PHKB: variants seen among roughly 807,000 people sequenced by gnomAD.
The protein encoded by PHKB is phosphorylase kinase regulatory subunit beta.
PHKB carries 122 observed loss-of-function variants against 152.1 expected under a neutral mutation model. That is an observed-to-expected ratio of 0.80 (90% CI 0.69 to 0.93). PHKB has a LOEUF of 0.93. Among genes scored for constraint, PHKB ranks in the 40% least tolerant of loss-of-function variants. PHKB has a pLI of 0.00. For synonymous variants in PHKB, 436 were observed against 464.9 expected, an observed-to-expected ratio of 0.94 and a Z score of 0.80; for missense variants, 1,304 against 1,328.4, an observed-to-expected ratio of 0.98 and a Z score of 0.29.
chr16:47,503,035 C>G lies in PHKB; in HGVS notation c.350C>G (p.Ser117Ter). The change falls in exon 4 of 31, where the codon TCA (serine) becomes TGA (stop). Residue 117 changes from serine (S) to a stop codon, truncating the protein, a stop_gained. Transcript: ENST00000323584. LOFTEE classifies it high-confidence loss of function. The stretch of plus-strand genomic sequence containing the variant: ...GGAAGGACCCATGAGCTGGAGCACT[C>G]AGCTATAAAATGCATGAGAGGAATT... ...DKGRTHELEH[S>*]AIKCMRGILY... 1 of 1,613,756 alleles carries G rather than the reference C, an allele frequency of 6.2e-7. No individual in the cohort carries two copies. Among genetic ancestry groups the G allele is most frequent in the Non-Finnish European group, 8.5e-7 (1 of 1,179,640 alleles).
intron 4 of PHKB, 89 bp from the exon 5 acceptor site, chr16:47,511,575 TA>T: frequency 2.1e-6 from 2 of 949,856 alleles, no homozygotes; most frequent in Admixed American, 3.5e-5. Context: ...CTTTGTTCAT[TA>T]AAAAGTTTCA....
intron 7 of PHKB, among the ~76,000 whole-genome samples, chr16:47,569,473 A>T (rs1006741988): frequency 6.6e-6 from 1 of 152,154 alleles, no homozygotes. Context: ...GCCAATCTGT[A>T]TCTTTTAAGT....
At chr16:47,685,484 GTC>G (rs1973948648) in intron 26 of PHKB, among the ~76,000 whole-genome samples, 1 of 152,158 alleles carries the variant, frequency 6.6e-6, no homozygotes, top group East Asian at 1.9e-4. Flanking sequence ...TTATGGCCTT[GTC>G]ATTGGGAATG....
chr16:47,572,839 C>T (rs1219474465), intron 7 of PHKB, among the ~76,000 whole-genome samples: 4 of 152,158 alleles, frequency 2.6e-5, no homozygotes, highest in African/African-American at 9.7e-5. Context: ...TGAGGTCATG[C>T]AAAAGTTTTC....
chr16:47,594,319 G>GA, intron 12 of PHKB, 105 bp downstream of exon 12: 1 of 676,452 alleles, frequency 1.5e-6, no homozygotes, highest in Non-Finnish European at 2.7e-6. Context: ...GTATTAAATT[G>GA]AAAAAAATGA....
intron 7 of PHKB, among the ~76,000 whole-genome samples, chr16:47,570,449 G>A (rs752710980): frequency 8.5e-5 from 13 of 152,074 alleles, no homozygotes; most frequent in Admixed American, 4.6e-4. Context: ...ACATGGTCCC[G>A]TATTTCTTGG....
At chr16:47,541,059 CAT>C (rs751246771) in intron 6 of PHKB, among the ~76,000 whole-genome samples, 18 of 152,038 alleles carry the variant, frequency 1.2e-4, no homozygotes, top group Non-Finnish European at 2.4e-4. Context: ...AAGTTTGTCA[CAT>C]GTGTATACAT....
chr16:47,680,211 G>C (rs899140712), intron 26 of PHKB, among the ~76,000 whole-genome samples: 1 of 152,170 alleles, frequency 6.6e-6, no homozygotes, highest in Non-Finnish European at 1.5e-5. Context: ...GTTCATCAAG[G>C]ATATTGGTCT....
chr16:47,506,838 A>G (rs909569864), intron 4 of PHKB, among the ~76,000 whole-genome samples: 46 of 152,210 alleles, frequency 3.0e-4, no homozygotes, highest in African/African-American at 9.7e-4. Context: ...AAATTGCAAA[A>G]CAAATCTCAT....
chr16:47,474,991 T>C (rs1185606633), intron 1 of PHKB, among the ~76,000 whole-genome samples: 1 of 152,248 alleles, frequency 6.6e-6, no homozygotes, highest in Non-Finnish European at 1.5e-5. Context: ...CCCAGAGTGC[T>C]GGTATTACAG....
At chr16:47,493,609 A>G (rs1203362214) in intron 1 of PHKB, among the ~76,000 whole-genome samples, 3 of 152,164 alleles carry the variant, frequency 2.0e-5, no homozygotes, top group African/African-American at 7.2e-5. Flanking sequence ...CCCTTTAAGG[A>G]CAAAGTCTAG....
intron 14 of PHKB, among the ~76,000 whole-genome samples, chr16:47,626,977 C>T (rs776256258): frequency 6.6e-6 from 1 of 152,162 alleles, no homozygotes; most frequent in African/African-American, 2.4e-5. Context: ...AAAAACACAT[C>T]GGTTTACTGG....
intron 1 of PHKB, among the ~76,000 whole-genome samples, chr16:47,486,294 G>A (rs1163022364): frequency 6.6e-6 from 1 of 152,174 alleles, no homozygotes; most frequent in African/African-American, 2.4e-5. Flanking sequence ...AACCTCCTAT[G>A]TGCCAGCATT....
rs1490180900 is a variant in PHKB at position 47,516,594 on chromosome 16, C to T, written c.594+993C>T. Among the ~76,000 whole-genome samples, 4 of 152,216 alleles carry T rather than the reference C, an allele frequency of 2.6e-5. No homozygotes were observed. The South Asian group carries it at 6.2e-4, about 24-fold the overall frequency. On this transcript the variant is annotated intron_variant, in intron 6 of 30. Transcript: ENST00000323584. Reference sequence around the variant, plus strand: ...TACTATTCCTCTCCTGTGATCCATGCAAGGGAGAACAATTACATCAGACAC... The same window carrying T: ...TACTATTCCTCTCCTGTGATCCATGTAAGGGAGAACAATTACATCAGACAC...
At chr16:47,675,243 C>A (rs1314543399) in intron 26 of PHKB, among the ~76,000 whole-genome samples, 2 of 152,154 alleles carry the variant, frequency 1.3e-5, no homozygotes, top group Admixed American at 1.3e-4. Context: ...CCTCTTCCAC[C>A]CCTGTTACCC....
intron 1 of PHKB, among the ~76,000 whole-genome samples, chr16:47,478,767 C>T (rs1969914467): frequency 1.3e-5 from 2 of 151,956 alleles, no homozygotes; most frequent in Non-Finnish European, 2.9e-5. Context: ...TTATTCTTAA[C>T]CTTTTTGAGC....
intron 14 of PHKB, among the ~76,000 whole-genome samples, chr16:47,614,088 A>G (rs1281916167): frequency 6.6e-6 from 1 of 152,238 alleles, no homozygotes; most frequent in Admixed American, 6.5e-5. Flanking sequence ...TACAGGAAGC[A>G]TAGCAGCTTC....
At chr16:47,549,417 G>T (rs1222657920) in intron 7 of PHKB, among the ~76,000 whole-genome samples, 3 of 152,126 alleles carry the variant, frequency 2.0e-5, no homozygotes, top group African/African-American at 7.2e-5. Flanking sequence ...TAGGCCAGAT[G>T]CAGTGGCTCA....
chr16:47,527,760 A>C (rs1970792719), intron 6 of PHKB, among the ~76,000 whole-genome samples: 1 of 152,190 alleles, frequency 6.6e-6, no homozygotes, highest in South Asian at 2.1e-4. Context: ...CCCTTGGGTG[A>C]AACCTAATCC....
Sources: allele counts gnomAD v4.1 joint callset (sites outside exome capture counted in the v4.1 genomes callset), GRCh38; gene constraint gnomAD v4.1.1; transcripts MANE v1.5; gene names NCBI Gene and HGNC (gene_info 2026-07-23, HGNC 2026-07-21).